DPF1: variants seen among roughly 807,000 people sequenced by gnomAD.
The protein encoded by DPF1 is zinc finger protein neuro-d4.
In DPF1, 14 loss-of-function variants were observed where a neutral mutation model predicts 58.7. That is an observed-to-expected ratio of 0.24 (90% CI 0.16 to 0.37). The LOEUF (loss-of-function observed/expected upper bound fraction) is 0.37. Ranked by LOEUF, DPF1 falls within the 10% of genes least tolerant of loss-of-function variation. The pLI is 1.00. For synonymous variants in DPF1, 216 were observed against 216.0 expected, an observed-to-expected ratio of 1.00 and a Z score of 0.00; for missense variants, 345 against 529.9, an observed-to-expected ratio of 0.65 and a Z score of 3.43.
chr19:38,214,480 C>T (rs1330436431), intron 9 of DPF1, among the ~76,000 whole-genome samples: 2 of 152,182 alleles, frequency 1.3e-5, no homozygotes, highest in Non-Finnish European at 2.9e-5. Flanking sequence ...CAATTCATGA[C>T]CTACTGTGCT....
chr19:38,222,717 GCGGCGAACGGGCGGGCGGCTGT>G lies in DPF1; in HGVS notation c.30-31_30-10del. On this transcript the variant is annotated splice_polypyrimidine_tract_variant and intron_variant, in intron 1 of 11. Coordinates refer to ENST00000355526, the MANE Select transcript of DPF1 (RefSeq NM_001135155.3). This position sits in a 1 kb window ranked among gnomAD's most constrained non-coding sequence, Gnocchi z 4.9. ...AGAAGTCCTCGCCTAGGCTAGAGGGGCGGCGAACGGGCGGGCGGCTGTCAGCAAGGGCAGGCGCACAGGGTCG... is the reference window on the plus strand; with the variant it reads ...AGAAGTCCTCGCCTAGGCTAGAGGGGCAGCAAGGGCAGGCGCACAGGGTCG... 6.3e-7 allele frequency: 1 copy of G among 1,578,784 alleles called. No homozygotes were observed. The highest frequency in any genetic ancestry group is 8.6e-7 in the Non-Finnish European group (1 of 1,161,936).
Position 38,222,369 on chromosome 19 carries a change from C to G in DPF1, c.286G>C (p.Glu96Gln), listed in dbSNP as rs1357176953. Residue 96 changes from glutamate to glutamine, a missense_variant, in exon 3 of 12, where the codon GAG becomes CAG. Transcript: ENST00000355526. The surrounding 1 kb of genome is among the most constrained non-coding windows in gnomAD (Gnocchi z 4.9). The stretch of plus-strand genomic sequence containing the variant: ...CGGCTGCACCCACCGATCTTGTACT[C>G]GCAGGGCCTGAGTCTGGGGTCCTCC... ...ILEDPRLRPC[E>Q]YKIDCEAPLK... is the part of the protein sequence containing the mutation. The G allele has an allele frequency of 1.3e-6, 2 of 1,590,384 alleles. No homozygotes were observed. The highest frequency in any genetic ancestry group is 8.5e-7 in the Non-Finnish European group (1 of 1,173,826).
At chr19:38,224,251 G>T, upstream of DPF1, 2 of 1,268,444 alleles carry the variant, frequency 1.6e-6, no homozygotes, top group South Asian at 3.0e-5. The surrounding 1 kb of genome is among the most constrained non-coding windows in gnomAD (Gnocchi z 4.5). Flanking sequence ...GCGGGAGCAC[G>T]AGGGCCACGG....
At chr19:38,223,932 G>A (rs1226059092) in intron 1 of DPF1, 182 bp downstream of exon 1, 2 of 756,882 alleles carry the variant, frequency 2.6e-6, no homozygotes, top group South Asian at 5.7e-5. Context: ...GCCAGGGAGC[G>A]GTGCATCCGA....
rs531383419 is a variant in DPF1, at chr19:38,211,960, T to A, written c.*103A>T. 2.2e-5 allele frequency: 30 copies of A among 1,363,398 alleles called. 1 individual carries two copies. The South Asian group carries it at 3.6e-4, about 17-fold the overall frequency. The allele number at this position is 1,363,398 out of a possible 1,614,324, so 84.5% of individuals were successfully genotyped here. On this transcript the variant is annotated 3_prime_UTR_variant, in exon 12 of 12. Coordinates refer to ENST00000355526, the MANE Select transcript of DPF1 (RefSeq NM_001135155.3). The surrounding 1 kb of genome is among the most constrained non-coding windows in gnomAD (Gnocchi z 4.0). ...GCCCAGCCCCCTCTCGGCTTCCCCC[T>A]CTCCCCCTCCCCCTGCGGGATGTTC...
upstream of DPF1, among the ~76,000 whole-genome samples, chr19:38,227,025 CCTTCCTTCCTTTCTTT>C (rs1411563102): frequency 4.4e-4 from 60 of 137,554 alleles, no homozygotes; most frequent in African/African-American, 9.7e-4. Context: ...TTCCTTCCTT[CCTTCCTTCCTTTCTTT>C]CTTTCTTTCT....
At chr19:38,223,985 C>G in intron 1 of DPF1, 129 bp downstream of exon 1, 1 of 1,247,226 alleles carries the variant, frequency 8.0e-7, no homozygotes, top group Non-Finnish European at 1.0e-6. Flanking sequence ...CTCTCGCACC[C>G]CCGCGCAGCC....
Position 38,222,791 on chromosome 19 carries a change from G to A in DPF1, c.30-83C>T. ...CCAGCACCCCTTCCCCGGCTGCCGG[G>A]CCGCCCAGGCTCGGGAGGGGTGGGC... On this transcript the variant is annotated intron_variant, in intron 1 of 11. Coordinates refer to ENST00000355526, the MANE Select transcript of DPF1 (RefSeq NM_001135155.3). This position sits in a 1 kb window ranked among gnomAD's most constrained non-coding sequence, Gnocchi z 4.9. 1 of 1,425,456 alleles carries A rather than the reference G, an allele frequency of 7.0e-7. No homozygotes were observed. The highest frequency in any genetic ancestry group is 9.2e-7 in the Non-Finnish European group (1 of 1,090,368). The allele number at this position is 1,425,456 out of a possible 1,614,324, so 88.3% of individuals were successfully genotyped here.
At chr19:38,217,033 C>T (rs1967070875) in intron 7 of DPF1, among the ~76,000 whole-genome samples, 1 of 152,184 alleles carries the variant, frequency 6.6e-6, no homozygotes, top group South Asian at 2.1e-4. Context: ...ACAGTGTCTC[C>T]CTACTGCCTC....
Position 38,222,578 on chromosome 19 carries a change from T to C in DPF1, c.160A>G (p.Ile54Val), listed in dbSNP as rs779483557. 6.2e-7 allele frequency: 1 copy of C among 1,611,668 alleles called. No homozygotes were observed. The highest frequency in any genetic ancestry group is 1.3e-5 in the African/African-American group (1 of 74,794). The part of the protein sequence containing the change: ...QTGVAQNNCY[I>V]WMEKTHRGPG... ...CCGCGGTGGGTCTTCTCCATCCAGA[T>C]GTAGCAGTTGTTCTGGGCCACGCCG... is the stretch of plus-strand genomic sequence containing the variant. The change falls in exon 2 of 12, where the codon ATC becomes GTC. Residue 54 changes from isoleucine (I) to valine (V), a missense_variant. Coordinates refer to ENST00000355526, the MANE Select transcript of DPF1 (RefSeq NM_001135155.3). This position sits in a 1 kb window ranked among gnomAD's most constrained non-coding sequence, Gnocchi z 4.9.
chr19:38,224,376 ACGCACCGTCACTCACC>A, upstream of DPF1: 1 of 995,948 alleles, frequency 1.0e-6, no homozygotes, highest in Non-Finnish European at 1.3e-6. This position sits in a 1 kb window ranked among gnomAD's most constrained non-coding sequence, Gnocchi z 4.5. Flanking sequence ...GGCCCGGGGC[ACGCACCGTCACTCACC>A]CGCCCTCACT....
Position 38,222,366 on chromosome 19 carries a change from A to T in DPF1, c.289T>A (p.Tyr97Asn). The part of the protein sequence containing the change: ...LEDPRLRPCE[Y>N]KIDCEAPLKK... Reference sequence around the variant, plus strand: ...CAGCGGCTGCACCCACCGATCTTGTACTCGCAGGGCCTGAGTCTGGGGTCC... The same window carrying T: ...CAGCGGCTGCACCCACCGATCTTGTTCTCGCAGGGCCTGAGTCTGGGGTCC... The change falls in exon 3 of 12, where the codon TAC (tyrosine) becomes AAC (asparagine). Residue 97 changes from tyrosine (Y) to asparagine (N), a missense_variant. Physicochemically the swap from Tyr to Asn is moderately radical, Grantham distance 143. Coordinates refer to ENST00000355526, the MANE Select transcript of DPF1 (RefSeq NM_001135155.3). The surrounding 1 kb of genome is among the most constrained non-coding windows in gnomAD (Gnocchi z 4.9). The T allele has an allele frequency of 1.3e-6, 2 of 1,589,508 alleles. No homozygotes were observed. Among genetic ancestry groups the T allele is most frequent in the Non-Finnish European group, 1.7e-6 (2 of 1,173,532 alleles).
chr19:38,222,697 T>C lies in DPF1; in HGVS notation c.41A>G (p.Asp14Gly). The C allele has an allele frequency of 5.0e-6, 8 of 1,599,750 alleles. No homozygotes were observed. Among genetic ancestry groups the C allele is most frequent in the Non-Finnish European group, 6.8e-6 (8 of 1,174,080 alleles). ...VIPGPLSLGE[D>G]FYREAIEHCR... is the part of the protein sequence containing the mutation. ...GTGCTCGATGGCCTCGCGGTAGAAG[T>C]CCTCGCCTAGGCTAGAGGGGCGGCG... The change falls in exon 2 of 12, where the codon GAC becomes GGC. Residue 14 changes from aspartate (D) to glycine (G), a missense_variant. By Grantham distance (94) the Asp-to-Gly change is moderately conservative. Coordinates refer to ENST00000355526, the MANE Select transcript of DPF1 (RefSeq NM_001135155.3). The surrounding 1 kb of genome is among the most constrained non-coding windows in gnomAD (Gnocchi z 4.9).
At position 38,224,193 on chromosome 19, in the gene DPF1, C is replaced by T. The variant is rs767762679; in HGVS notation, c.-51G>A. ...CAGGTCCCCGCCGGGTCGGTCCTCC[C>T]AGCGGTCGGGCGGGCGCTGAGGCCG... On this transcript the variant is annotated 5_prime_UTR_variant, in exon 1 of 12. Transcript: ENST00000355526. The surrounding 1 kb of genome is among the most constrained non-coding windows in gnomAD (Gnocchi z 4.5). The T allele has an allele frequency of 1.4e-6, 2 of 1,398,838 alleles. No individual in the cohort carries two copies. The highest frequency in any genetic ancestry group is 1.9e-6 in the Non-Finnish European group (2 of 1,077,044). 86.7% of individuals were successfully genotyped at this position (1,398,838 alleles called of 1,614,324 possible).
At chr19:38,218,783 A>T (rs1967226109) in intron 4 of DPF1, 121 bp from the exon 5 acceptor site, 1 of 1,531,132 alleles carries the variant, frequency 6.5e-7, no homozygotes, top group Admixed American at 1.8e-5. Flanking sequence ...TTCCAAATAG[A>T]GATGAAGTCT....
intron 3 of DPF1, among the ~76,000 whole-genome samples, chr19:38,221,789 A>T (rs909057671): frequency 6.6e-6 from 1 of 152,012 alleles, no homozygotes; most frequent in Non-Finnish European, 1.5e-5. Context: ...GCCTCTATTT[A>T]AAAAACAACA....
At chr19:38,216,689 C>T (rs1352514365) in intron 7 of DPF1, among the ~76,000 whole-genome samples, 1 of 152,210 alleles carries the variant, frequency 6.6e-6, no homozygotes, top group African/African-American at 2.4e-5. Context: ...CGGCCACTGC[C>T]ACAAAGTGGC....
upstream of DPF1, among the ~76,000 whole-genome samples, chr19:38,224,481 A>G (rs1967730922): frequency 6.6e-6 from 1 of 152,096 alleles, no homozygotes; most frequent in Non-Finnish European, 1.5e-5. The surrounding 1 kb of genome is among the most constrained non-coding windows in gnomAD (Gnocchi z 4.5). Context: ...GGCAGTTTAC[A>G]CACACATTCA....
chr19:38,213,779 G>T, intron 9 of DPF1, 23 bp from the exon 10 acceptor site: 1 of 1,600,030 alleles, frequency 6.2e-7, no homozygotes, highest in Non-Finnish European at 8.6e-7. Flanking sequence ...GGGCAGGGGT[G>T]CAGTTAGGAG....
Sources: gnomAD v4.1 joint callset for allele counts (sites outside exome capture counted in the v4.1 genomes callset) on GRCh38, gnomAD v4.1.1 for gene constraint, Gnocchi (gnomAD v3.1) non-coding constraint, MANE v1.5 for transcripts, NCBI Gene and HGNC (gene_info 2026-07-23, HGNC 2026-07-21) for gene names.